The following PPM1A variants were observed in gnomAD, a reference collection of about 807,000 sequenced individuals.
PPM1A encodes the protein protein phosphatase 1A.
A neutral mutation model predicts 35.0 loss-of-function variants in PPM1A; 7 were observed. The ratio of observed to expected loss-of-function variants is 0.20; its 90% confidence interval spans 0.11 to 0.38. The LOEUF is 0.38. Among genes scored for constraint, PPM1A ranks in the 10% least tolerant of loss-of-function variants. The probability of loss-of-function intolerance (pLI) is 1.00; values close to 1 mark genes in which losing one functional copy is unlikely to be tolerated. For synonymous variants in PPM1A, 153 were observed against 167.3 expected, an observed-to-expected ratio of 0.91 and a Z score of 0.66; for missense variants, 239 against 467.8, an observed-to-expected ratio of 0.51 and a Z score of 4.51.
At chr14:60,253,999 G>A (rs73315756) in intron 1 of PPM1A, among the ~76,000 whole-genome samples, 176 of 152,174 alleles carry the variant, frequency 1.2e-3, no homozygotes, top group African/African-American at 4.0e-3. Flanking sequence ...TACTTTTGTC[G>A]TAAGGTTATC....
At chr14:60,279,342 C>T (rs1242347642) in intron 1 of PPM1A, among the ~76,000 whole-genome samples, 2 of 152,136 alleles carry the variant, frequency 1.3e-5, no homozygotes, top group Non-Finnish European at 2.9e-5. Context: ...GTCTCGAACT[C>T]CTGACCTCAA....
chr14:60,245,891 G>A (rs1881753767), upstream of PPM1A: 6 of 1,592,236 alleles, frequency 3.8e-6, no homozygotes, highest in Non-Finnish European at 5.1e-6. This position sits in a 1 kb window ranked among gnomAD's most constrained non-coding sequence, Gnocchi z 4.2. Context: ...GCTACAATTT[G>A]TACTAAGCTA....
intron 1 of PPM1A, chr14:60,250,431 C>T (rs1320141645): frequency 1.9e-5 from 19 of 984,908 alleles, no homozygotes; most frequent in Admixed American, 6.2e-5. Context: ...CTGTGGAGAG[C>T]CTTCTACCAA....
chr14:60,287,771 A>G (rs779131564), intron 3 of PPM1A: 14 of 982,402 alleles, frequency 1.4e-5, no homozygotes, highest in Non-Finnish European at 1.7e-5. Flanking sequence ...TTATACTACT[A>G]TTAATTTTGT....
Position 60,294,905 on chromosome 14 carries a change from A to G in PPM1A, c.*2423A>G, listed in dbSNP as rs1887936582. ...ATAAAAATACAGGAAGGAAGTATAC[A>G]TTATAACAGCAGACTGTGTGTGTTC... On this transcript the variant is annotated 3_prime_UTR_variant, in exon 6 of 6. Coordinates refer to ENST00000395076, the MANE Select transcript of PPM1A (RefSeq NM_021003.5). 6.6e-6 allele frequency: 1 copy of G among 151,822 alleles called. No homozygotes were observed. Among genetic ancestry groups the G allele is most frequent in the African/African-American group, 2.4e-5 (1 of 41,410 alleles). 9.4% of individuals were successfully genotyped at this position (151,822 alleles called of 1,614,324 possible).
chr14:60,289,657 C>A lies in PPM1A; in HGVS notation c.953-149C>A. ...TTGTCATAAATCTTCAAAGGTCAACCTGATTTTTTTTTTTTTTAAATGATA... is the reference window on the plus strand; with the variant it reads ...TTGTCATAAATCTTCAAAGGTCAACATGATTTTTTTTTTTTTTAAATGATA... On this transcript the variant is annotated intron_variant, in intron 3 of 5. Coordinates refer to ENST00000395076, the MANE Select transcript of PPM1A (RefSeq NM_021003.5). The surrounding 1 kb of genome is among the most constrained non-coding windows in gnomAD (Gnocchi z 4.1). 3.5e-6 allele frequency: 2 copies of A among 571,606 alleles called. No individual in the cohort carries two copies. Among genetic ancestry groups the A allele is most frequent in the Non-Finnish European group, 6.2e-6 (2 of 321,622 alleles). The allele number at this position is 571,606 out of a possible 1,614,324, so 35.4% of individuals were successfully genotyped here.
At chr14:60,288,908 G>A (rs562945067) in intron 3 of PPM1A, among the ~76,000 whole-genome samples, 2 of 152,062 alleles carry the variant, frequency 1.3e-5, no homozygotes, top group Non-Finnish European at 2.9e-5. Flanking sequence ...TGGAGTATGT[G>A]TGCTAAAACT....
At chr14:60,266,736 G>A (rs552660661) in intron 1 of PPM1A, among the ~76,000 whole-genome samples, 8 of 152,180 alleles carry the variant, frequency 5.3e-5, no homozygotes. Context: ...TAAATATCAG[G>A]TATTGCAGAT....
chr14:60,287,225 T>C (rs1317639352), intron 3 of PPM1A: 4 of 956,218 alleles, frequency 4.2e-6, no homozygotes, highest in African/African-American at 3.5e-5. Flanking sequence ...TTATGAAATA[T>C]TCACTTTACG....
At position 60,292,666 on chromosome 14, in the gene PPM1A, T is replaced by G. The variant is rs889736291; in HGVS notation, c.*184T>G. 5 of 406,782 alleles carry G rather than the reference T, an allele frequency of 1.2e-5. No homozygotes were observed. Among genetic ancestry groups the G allele is most frequent in the African/African-American group, 2.1e-5 (1 of 48,198 alleles). The allele number at this position is 406,782 out of a possible 1,614,324, so 25.2% of individuals were successfully genotyped here. A position where few individuals can be genotyped will look rare whatever the true frequency, so the allele number is the denominator to read the frequency against. On this transcript the variant is annotated 3_prime_UTR_variant, in exon 6 of 6. Transcript: ENST00000395076. This position sits in a 1 kb window ranked among gnomAD's most constrained non-coding sequence, Gnocchi z 4.2. ...CAGAACTGATTTTTTTTTTTTTTTT[T>G]GTAAATTTGAGACTTATGTAAGCGT...
chr14:60,249,238 CGGT>C lies in PPM1A; in HGVS notation c.-457_-455del. On this transcript the variant is annotated 5_prime_UTR_variant, in exon 1 of 6. Coordinates refer to ENST00000395076, the MANE Select transcript of PPM1A (RefSeq NM_021003.5). This position sits in a 1 kb window ranked among gnomAD's most constrained non-coding sequence, Gnocchi z 4.5. ...GCCGCGCTAGAGGCGGCGGCGGCGG[CGGT>C]GGCGGCGCTAGGGACGGGAGCGCGC... 1 of 986,430 alleles carries C rather than the reference CGGT, an allele frequency of 1.0e-6. No homozygotes were observed. The highest frequency in any genetic ancestry group is 1.2e-6 in the Non-Finnish European group (1 of 831,408). The allele number at this position is 986,430 out of a possible 1,614,324, so 61.1% of individuals were successfully genotyped here.
rs149766659 is a variant in PPM1A at position 60,279,887 on chromosome 14, TATA to T, written c.-20-2790_-20-2788del. On this transcript the variant is annotated intron_variant, in intron 1 of 5. Transcript: ENST00000395076. Reference sequence around the variant, plus strand: ...GGCAGAAAAAATGGTGTAAAAATTATATAATAATATCTATATTATATTGAGTAT... The same window carrying T: ...GGCAGAAAAAATGGTGTAAAAATTATATAATATCTATATTATATTGAGTAT... 7.6e-3 allele frequency among the ~76,000 whole-genome samples: 1,141 copies of T among 151,110 alleles called. 16 individuals are homozygous for T. Among genetic ancestry groups the T allele is most frequent in the African/African-American group, 0.027 (1,109 of 41,454 alleles).
At position 60,296,807 on chromosome 14, in the gene PPM1A, A is replaced by G. The variant is rs370468127; in HGVS notation, c.*4325A>G. ...TACTGATAGTCAAAATGCTCAATAG[A>G]AATGATGAGAGGCATTGGTTCCAAT... On this transcript the variant is annotated 3_prime_UTR_variant, in exon 6 of 6. Coordinates refer to ENST00000395076, the MANE Select transcript of PPM1A (RefSeq NM_021003.5). The surrounding 1 kb of genome is among the most constrained non-coding windows in gnomAD (Gnocchi z 4.4). 6.9e-4 allele frequency: 225 copies of G among 326,270 alleles called. No individual in the cohort carries two copies. Among genetic ancestry groups the G allele is most frequent in the African/African-American group, 4.5e-3 (211 of 47,400 alleles). The allele number at this position is 326,270 out of a possible 1,614,324, so 20.2% of individuals were successfully genotyped here.
At chr14:60,274,350 A>G (rs751075107) in intron 1 of PPM1A, among the ~76,000 whole-genome samples, 2 of 152,282 alleles carry the variant, frequency 1.3e-5, no homozygotes, top group Admixed American at 6.5e-5. Context: ...TGGAGCATCA[A>G]CATTTTTTTT....
At chr14:60,247,983 T>C (rs564337280), upstream of PPM1A, among the ~76,000 whole-genome samples, 4 of 152,330 alleles carry the variant, frequency 2.6e-5, no homozygotes, top group South Asian at 8.3e-4. Context: ...CTTTTAAAAA[T>C]ACGGACTTTT....
At chr14:60,275,141 A>G (rs996305859) in intron 1 of PPM1A, among the ~76,000 whole-genome samples, 13 of 149,812 alleles carry the variant, frequency 8.7e-5, no homozygotes, top group Admixed American at 7.4e-4. Context: ...ATAGACTTGT[A>G]GGCAGAAGAA....
intron 1 of PPM1A, among the ~76,000 whole-genome samples, chr14:60,254,904 CAA>C (rs1455072464): frequency 6.6e-6 from 1 of 152,192 alleles, no homozygotes; most frequent in Non-Finnish European, 1.5e-5. Context: ...GATTGGACCT[CAA>C]GACATTAGTC....
At chr14:60,259,583 T>C (rs1365831557) in intron 1 of PPM1A, among the ~76,000 whole-genome samples, 1 of 152,064 alleles carries the variant, frequency 6.6e-6, no homozygotes, top group Non-Finnish European at 1.5e-5. Flanking sequence ...TAAGACACTT[T>C]CTGTCTATAG....
At chr14:60,255,707 G>C (rs1466381586) in intron 1 of PPM1A, among the ~76,000 whole-genome samples, 2 of 151,814 alleles carry the variant, frequency 1.3e-5, no homozygotes, top group Non-Finnish European at 2.9e-5. Context: ...AGACGTTTCT[G>C]ACTCTCTTCC....
Sources: gnomAD v4.1 joint callset for allele counts (sites outside exome capture counted in the v4.1 genomes callset) on GRCh38, gnomAD v4.1.1 for gene constraint, Gnocchi (gnomAD v3.1) non-coding constraint, MANE v1.5 for transcripts, NCBI Gene and HGNC (gene_info 2026-07-23, HGNC 2026-07-21) for gene names.